The following ARMC3 variants were observed in gnomAD, a reference collection of about 807,000 sequenced individuals.
ARMC3 encodes the protein armadillo repeat containing 3.
A neutral mutation model predicts 90.3 loss-of-function variants in ARMC3; 74 were observed. The ratio of observed to expected loss-of-function variants is 0.82; its 90% CI spans 0.68 to 0.99. The LOEUF is 0.99. Ranked by LOEUF, ARMC3 falls within the 50% of genes least tolerant of loss-of-function variation. The probability of loss-of-function intolerance (pLI) is 0.00; values close to 1 mark genes in which losing one functional copy is unlikely to be tolerated. For missense variants in ARMC3, 958 were observed against 1,042.8 expected (o/e 0.92, Z 1.12); for synonymous variants, 334 against 361.8 (o/e 0.92, Z 0.87).
chr10:22,971,244 C>G (rs575679445), intron 8 of ARMC3, among the ~76,000 whole-genome samples: 1 of 152,122 alleles, frequency 6.6e-6, no homozygotes, highest in African/African-American at 2.4e-5. Context: ...CAAAGAATAT[C>G]CATTGCCTGT....
At chr10:22,970,995 A>T (rs1232358469) in intron 8 of ARMC3, among the ~76,000 whole-genome samples, 1 of 152,242 alleles carries the variant, frequency 6.6e-6, no homozygotes, top group Non-Finnish European at 1.5e-5. Flanking sequence ...CCATCCACAG[A>T]AATCTTTTCA....
chr10:23,003,371 C>T lies in ARMC3; in HGVS notation c.1688C>T (p.Ser563Leu). 6.2e-7 allele frequency: 1 copy of T among 1,611,100 alleles called. No homozygotes were observed. The highest frequency in any genetic ancestry group is 8.5e-7 in the Non-Finnish European group (1 of 1,178,740). ...AAATACAGCCAGACTGGCTATTTGT[C>T]ATCAAGTAACATAATTAACGATGGA... The part of the protein sequence containing the change: ...SLKYSQTGYL[S>L]SSNIINDGFY... Residue 563 changes from serine to leucine, a missense_variant, in exon 13 of 19, where the codon TCA becomes TTA. Physicochemically the swap from Ser to Leu is moderately radical, Grantham distance 145. Transcript: ENST00000298032.
intron 2 of ARMC3, among the ~76,000 whole-genome samples, chr10:22,939,532 T>C (rs1834242296): frequency 6.6e-6 from 1 of 152,276 alleles, no homozygotes; most frequent in Admixed American, 6.5e-5. Context: ...GGCTAAACTA[T>C]CCAGCCCTAT....
rs1050391492 is a variant in ARMC3, at chr10:23,005,074, G to A, written c.1731+1660G>A. Reference sequence around the variant, plus strand: ...TAAATATACAAAAAATTAGCCGGGCGTGGTGGCGGGTGCCTGTAGTCCCAG... The same window carrying A: ...TAAATATACAAAAAATTAGCCGGGCATGGTGGCGGGTGCCTGTAGTCCCAG... On this transcript the variant is annotated intron_variant, in intron 13 of 18. Transcript: ENST00000298032. Among the ~76,000 whole-genome samples the A allele has an allele frequency of 7.9e-5, 12 of 151,982 alleles. 1 individual carries two copies. The highest frequency in any genetic ancestry group is 4.8e-5 in the African/African-American group (2 of 41,390).
intron 7 of ARMC3, among the ~76,000 whole-genome samples, chr10:22,966,118 C>T (rs1467251658): frequency 6.6e-6 from 1 of 152,226 alleles, no homozygotes; most frequent in Non-Finnish European, 1.5e-5. Context: ...CAGTGAGCTA[C>T]ACACTTTGTC....
rs35010365 is a variant in ARMC3 at position 22,998,388 on chromosome 10, C to T, written c.1416C>T (p.Ala472=). The T allele has an allele frequency of 1.8e-3, 2,916 of 1,614,034 alleles. 49 individuals are homozygous for T. In the African/African-American group the frequency reaches 0.033, roughly 18 times the overall value. Residue 472 remains alanine (A), a synonymous_variant, in exon 11 of 19, where the codon GCC becomes GCT. Transcript: ENST00000298032. ...CCGCAACTGCGTGTGACGTTGAAGC[C>T]CGGACTGAGGTGAGAATTTTAATAA... ...AVTATACDVE[A]RTELRNSGGL...
At position 23,006,086 on chromosome 10, in the gene ARMC3, A is replaced by C. The variant is rs1365746930; in HGVS notation, c.1732-798A>C. On this transcript the variant is annotated intron_variant, in intron 13 of 18. Transcript: ENST00000298032. ...CCCGGGCAAATCTGGGGCTGGGGGA[A>C]GTCCTGGGCAAATCTGGGGTTGTTT... Among the ~76,000 whole-genome samples the C allele has an allele frequency of 3.3e-5, 5 of 152,112 alleles. No individual in the cohort carries two copies. The East Asian group carries it at 9.7e-4, about 29-fold the overall frequency.
chr10:23,030,728 T>A lies in ARMC3; in HGVS notation c.2178T>A (p.Tyr726Ter). The change falls in exon 17 of 19, where the codon TAT becomes TAA. Residue 726 changes from tyrosine to a stop codon, truncating the protein, a stop_gained. Coordinates refer to ENST00000298032, the MANE Select transcript of ARMC3 (RefSeq NM_173081.5). LOFTEE classifies it high-confidence loss of function. ...CCTCTGACCCTGATTTCTCTATGTA[T>A]GTGTATGAGGTGACCAAATCAATAC... ...CPPSDPDFSM[Y>*]VYEVTKSILP... 1 of 1,613,872 alleles carries A rather than the reference T, an allele frequency of 6.2e-7. No individual in the cohort carries two copies. The highest frequency in any genetic ancestry group is 8.5e-7 in the Non-Finnish European group (1 of 1,179,832).
intron 16 of ARMC3, among the ~76,000 whole-genome samples, chr10:23,018,633 T>C (rs11013248): frequency 0.11 from 16,114 of 150,420 alleles, 1,142 homozygotes; most frequent in African/African-American, 0.2. Context: ...TCTCCTGCCT[T>C]AGCCTCCCGA....
At chr10:23,033,945 G>T (rs1839026078) in intron 18 of ARMC3, among the ~76,000 whole-genome samples, 3 of 152,122 alleles carry the variant, frequency 2.0e-5, no homozygotes, top group Admixed American at 2.0e-4. Context: ...GTGATCTTTT[G>T]CTCCATCATA....
intron 2 of ARMC3, among the ~76,000 whole-genome samples, chr10:22,933,013 C>G (rs1002448381): frequency 2.0e-5 from 3 of 152,232 alleles, no homozygotes; most frequent in Non-Finnish European, 4.4e-5. Flanking sequence ...GCACGTAGCA[C>G]TTGGAAAATA....
rs747315937 is a variant in ARMC3 at position 22,959,355 on chromosome 10, A to G, written c.362-44A>G. On this transcript the variant is annotated intron_variant, in intron 5 of 18. Coordinates refer to ENST00000298032, the MANE Select transcript of ARMC3 (RefSeq NM_173081.5). ...GCATATTTTAAAGTAGTGGCTGAAT[A>G]ATAAGCAGTTGGCATACTTGTGTTA... is the stretch of plus-strand genomic sequence containing the variant. 13 of 1,539,004 alleles carry G rather than the reference A, an allele frequency of 8.4e-6. No individual in the cohort carries two copies. The South Asian group carries it at 1.5e-4, about 17-fold the overall frequency.
chr10:22,999,230 G>T (rs1837167167), intron 11 of ARMC3, among the ~76,000 whole-genome samples: 1 of 152,050 alleles, frequency 6.6e-6, no homozygotes, highest in Non-Finnish European at 1.5e-5. Flanking sequence ...GATAATTTAT[G>T]GTGATCCTAT....
rs571054006 is a variant in ARMC3 at position 23,019,929 on chromosome 10, A to G, written c.2046-10667A>G. ...TGAGACTGGCCTTTCCACTCAGTGT[A>G]ATGCCTTTGAGATTCTTCTGAATTG... On this transcript the variant is annotated intron_variant, in intron 16 of 18. Coordinates refer to ENST00000298032, the MANE Select transcript of ARMC3 (RefSeq NM_173081.5). 6.9e-4 allele frequency among the ~76,000 whole-genome samples: 105 copies of G among 152,302 alleles called. No individual in the cohort carries two copies. In the Middle Eastern group the frequency reaches 0.014, roughly 20 times the overall value.
At chr10:23,030,233 T>C (rs945447750) in intron 16 of ARMC3, among the ~76,000 whole-genome samples, 2 of 152,146 alleles carry the variant, frequency 1.3e-5, no homozygotes, top group African/African-American at 4.8e-5. Flanking sequence ...TCAGTATCCA[T>C]GAGGAATTGG....
intron 1 of ARMC3, among the ~76,000 whole-genome samples, chr10:22,929,944 A>G (rs538526121): frequency 6.6e-6 from 1 of 152,358 alleles, no homozygotes; most frequent in Admixed American, 6.5e-5. Flanking sequence ...TAACCTCTGC[A>G]CTATGCAATT....
At position 22,968,326 on chromosome 10, in the gene ARMC3, A is replaced by G. The variant is rs759757152; in HGVS notation, c.753A>G (p.Ile251Met). Residue 251 changes from isoleucine (I) to methionine (M), a missense_variant, in exon 8 of 19, where the codon ATA (isoleucine) becomes ATG (methionine). Transcript: ENST00000298032. ...LETKELNDLH[I>M]EALAVIANCL... Reference sequence around the variant, plus strand: ...ATTAGGAATTGAATGACCTTCATATAGAAGCACTTGCAGTGATAGCCAATT... The same window carrying G: ...ATTAGGAATTGAATGACCTTCATATGGAAGCACTTGCAGTGATAGCCAATT... 3 of 1,613,952 alleles carry G rather than the reference A, an allele frequency of 1.9e-6. No homozygotes were observed. The highest frequency in any genetic ancestry group is 2.5e-6 in the Non-Finnish European group (3 of 1,179,848).
intron 16 of ARMC3, 88 bp downstream of exon 16, chr10:23,009,019 C>T (rs1485401909): frequency 1.9e-6 from 2 of 1,048,260 alleles, no homozygotes; most frequent in Non-Finnish European, 2.8e-6. Flanking sequence ...CTTCTGACAT[C>T]AGGGTGTTGA....
chr10:22,933,801 T>C (rs990090445), intron 2 of ARMC3, among the ~76,000 whole-genome samples: 3 of 152,002 alleles, frequency 2.0e-5, no homozygotes, highest in Non-Finnish European at 4.4e-5. Flanking sequence ...AGGAGAATGG[T>C]GTGAACCTGG....
Sources: gnomAD v4.1 joint callset for allele counts (sites outside exome capture counted in the v4.1 genomes callset) on GRCh38, gnomAD v4.1.1 for gene constraint, MANE v1.5 for transcripts, NCBI Gene and HGNC (gene_info 2026-07-23, HGNC 2026-07-21) for gene names.